Variants in BBS2 observed in about 807,000 individuals in gnomAD.
BBS2 encodes the protein Bardet-Biedl syndrome 2, also known as BBSome complex member BBS2.
A neutral mutation model predicts 83.0 loss-of-function variants in BBS2; 62 were observed. That is an observed-to-expected ratio of 0.75 (90% confidence interval 0.61 to 0.92). The LOEUF (loss-of-function observed/expected upper bound fraction) is 0.92, where lower values mean the gene tolerates loss of function less well. Among genes scored for constraint, BBS2 ranks in the 40% least tolerant of loss-of-function variants. The probability of loss-of-function intolerance (pLI) is 0.00; values close to 1 mark genes in which losing one functional copy is unlikely to be tolerated. For synonymous variants in BBS2, 303 were observed against 326.1 expected (o/e 0.93, Z 0.76); for missense variants, 784 against 901.0 (o/e 0.87, Z 1.66).
Position 56,472,299 on chromosome 16 carries a change from G to T in BBS2, c.*1-1604C>A, listed in dbSNP as rs541328887. Among the ~76,000 whole-genome samples the T allele has an allele frequency of 1.1e-4, 16 of 152,050 alleles. No homozygotes were observed. In the South Asian group the frequency reaches 3.3e-3, roughly 32 times the overall value. On this transcript the variant is annotated intron_variant, in intron 17 of 17. Coordinates refer to the BBS2 transcript ENST00000682047. Reference sequence around the variant, plus strand: ...CTTGTCCAGTTCTATTCCTTTTTTGGTTTCATTTTTACGGGAACCTGCAAC... The same window carrying T: ...CTTGTCCAGTTCTATTCCTTTTTTGTTTTCATTTTTACGGGAACCTGCAAC...
At position 56,484,578 on chromosome 16, in the gene BBS2, G is replaced by T. The variant is rs1381352878; in HGVS notation, c.*183C>A. On this transcript the variant is annotated 3_prime_UTR_variant, in exon 17 of 17. Coordinates refer to ENST00000245157, the MANE Select transcript of BBS2 (RefSeq NM_031885.5). Reference sequence around the variant, plus strand: ...ATTATTCAGCAACAGTACTACTACTGATTTAAAAATAGAAAGCAAGTCTAT... The same window carrying T: ...ATTATTCAGCAACAGTACTACTACTTATTTAAAAATAGAAAGCAAGTCTAT... 9 of 586,736 alleles carry T rather than the reference G, an allele frequency of 1.5e-5. No individual in the cohort carries two copies. Among genetic ancestry groups the T allele is most frequent in the Admixed American group, 1.0e-4 (4 of 39,542 alleles). 36.3% of individuals were successfully genotyped at this position (586,736 alleles called of 1,614,324 possible).
intron 17 of BBS2, chr16:56,478,550 T>C (rs1483760493): frequency 6.6e-6 from 1 of 152,224 alleles, no homozygotes; most frequent in African/African-American, 2.4e-5. Context: ...GTCAGTGGCA[T>C]AACTTCAGGA....
Position 56,500,995 on chromosome 16 carries a change from G to C in BBS2, c.1256C>G (p.Ala419Gly). ...GCTTTCACCTGTAAAAATTCCTTCT[G>C]CAAAAATCAATACTGCTCGGATGAT... ...DTIIRAVLIF[A>G]EGIFTGESHV... Residue 419 changes from alanine (A) to glycine (G), a missense_variant, in exon 11 of 17, where the codon GCA becomes GGA. Coordinates refer to ENST00000245157, the MANE Select transcript of BBS2 (RefSeq NM_031885.5). 9 of 1,614,098 alleles carry C rather than the reference G, an allele frequency of 5.6e-6. No homozygotes were observed. The highest frequency in any genetic ancestry group is 7.6e-6 in the Non-Finnish European group (9 of 1,180,002).
At chr16:56,496,371 C>A (rs1214730879) in intron 15 of BBS2, among the ~76,000 whole-genome samples, 6 of 152,126 alleles carry the variant, frequency 3.9e-5, no homozygotes, top group Admixed American at 1.3e-4. Context: ...TGTGTTTTTT[C>A]TGAACATAAT....
chr16:56,509,897 A>T (rs1964529513), intron 5 of BBS2, 60 bp downstream of exon 5: 2 of 1,569,990 alleles, frequency 1.3e-6, no homozygotes, highest in Non-Finnish European at 1.8e-6. Flanking sequence ...TTGATGTTTC[A>T]TCTGACAGTA....
exon 18 of BBS2, chr16:56,470,510 G>GT (rs766511528): frequency 5.0e-6 from 8 of 1,612,602 alleles, no homozygotes; most frequent in Non-Finnish European, 6.8e-6. Flanking sequence ...GCTGAGGAGA[G>GT]TAAGCTTCCT....
intron 15 of BBS2, among the ~76,000 whole-genome samples, chr16:56,489,554 T>C (rs1644920345): frequency 6.6e-6 from 1 of 151,946 alleles, no homozygotes; most frequent in Admixed American, 6.6e-5. Flanking sequence ...CCCAGCACTT[T>C]GGGAGGCCGA....
At chr16:56,495,190 T>C (rs1218351560) in intron 15 of BBS2, among the ~76,000 whole-genome samples, 14 of 152,136 alleles carry the variant, frequency 9.2e-5, no homozygotes, top group African/African-American at 3.4e-4. Context: ...GGGAACATTA[T>C]TTTTCATAGA....
At chr16:56,479,653 CTA>C (rs1465212011), downstream of BBS2, among the ~76,000 whole-genome samples, 2 of 152,212 alleles carry the variant, frequency 1.3e-5, no homozygotes. Flanking sequence ...ACTCTCTTCC[CTA>C]TGTCTCAGGT....
chr16:56,497,787 C>G lies in BBS2; in HGVS notation c.1753G>C (p.Asp585His), dbSNP rs1199632846. 4 of 1,613,312 alleles carry G rather than the reference C, an allele frequency of 2.5e-6. No individual in the cohort carries two copies. The African/African-American group carries it at 5.3e-5, about 22-fold the overall frequency. The change falls in exon 14 of 17, where the codon GAT (aspartate) becomes CAT (histidine). Residue 585 changes from aspartate (D) to histidine (H), a missense_variant. Transcript: ENST00000245157. Reference sequence around the variant, plus strand: ...AATTCCTCAAAATAGACAGGAAAATCCGCTTCTACTTGAAGGTCTTCAATA... The same window carrying G: ...AATTCCTCAAAATAGACAGGAAAATGCGCTTCTACTTGAAGGTCTTCAATA... ...FAIEDLQVEADFPVYFEELRK... is the reference protein window; with the variant it reads ...FAIEDLQVEAHFPVYFEELRK...
rs1964676797 is a variant in BBS2, at chr16:56,514,506, T to C, written c.292A>G (p.Thr98Ala). 6.2e-7 allele frequency: 1 copy of C among 1,614,168 alleles called. No homozygotes were observed. Among genetic ancestry groups the C allele is most frequent in the African/African-American group, 1.3e-5 (1 of 75,044 alleles). Residue 98 changes from threonine (T) to alanine (A), a missense_variant, in exon 2 of 17, where the codon ACT (threonine) becomes GCT (alanine). Physicochemically the swap from Thr to Ala is moderately conservative, Grantham distance 58. Transcript: ENST00000245157. Reference protein sequence around the residue: ...GYDALLVGTQTNLLAYDVYNN... With the variant: ...GYDALLVGTQANLLAYDVYNN... Reference sequence around the variant, plus strand: ...TAGACATCATAAGCCAAAAGATTAGTCTGTGTCCCCACTAAAAGGGCATCA... The same window carrying C: ...TAGACATCATAAGCCAAAAGATTAGCCTGTGTCCCCACTAAAAGGGCATCA...
intron 16 of BBS2, 87 bp downstream of exon 16, chr16:56,485,503 A>G (rs1285672407): frequency 6.5e-7 from 1 of 1,537,414 alleles, no homozygotes; most frequent in Non-Finnish European, 9.0e-7. Flanking sequence ...CAGCCCCAAT[A>G]TGAATTATTG....
At chr16:56,492,471 A>G (rs1303081646) in intron 15 of BBS2, among the ~76,000 whole-genome samples, 1 of 152,212 alleles carries the variant, frequency 6.6e-6, no homozygotes, top group African/African-American at 2.4e-5. Flanking sequence ...TCATAAAATC[A>G]AAGAGTAGAA....
intron 15 of BBS2, among the ~76,000 whole-genome samples, chr16:56,488,201 A>T (rs574547049): frequency 6.6e-6 from 1 of 152,292 alleles, no homozygotes; most frequent in African/African-American, 2.4e-5. Context: ...TTTTTCCCAC[A>T]CACCAAGAAA....
rs762391617 is a variant in BBS2, at chr16:56,484,799, G to A, written c.2128C>T (p.Leu710=). 1.5e-5 allele frequency: 25 copies of A among 1,613,930 alleles called. No homozygotes were observed. Among genetic ancestry groups the A allele is most frequent in the African/African-American group, 9.3e-5 (7 of 74,932 alleles). Residue 710 remains leucine (L), a synonymous_variant, in exon 17 of 17, where the codon CTG becomes TTG. Coordinates refer to ENST00000245157, the MANE Select transcript of BBS2 (RefSeq NM_031885.5). ...GTCCCCACTCGCATGATTTTGAACAGTGTGTTGATGTTATTGCTTCGAATT... is the reference window on the plus strand; with the variant it reads ...GTCCCCACTCGCATGATTTTGAACAATGTGTTGATGTTATTGCTTCGAATT... ...DAIRSNNINT[L]FKIMRVGTAS... is the part of the protein sequence containing the mutation.
chr16:56,511,654 G>C (rs1964580438), intron 2 of BBS2, among the ~76,000 whole-genome samples: 1 of 152,106 alleles, frequency 6.6e-6, no homozygotes, highest in Non-Finnish European at 1.5e-5. Flanking sequence ...GACTTGCCAG[G>C]CTCCACAACT....
downstream of BBS2, chr16:56,470,404 A>G (rs1963110774): frequency 8.0e-7 from 1 of 1,245,298 alleles, no homozygotes; most frequent in Non-Finnish European, 1.1e-6. Context: ...GAAGAGAGGT[A>G]CAAAGCTAAC....
chr16:56,484,099 C>A (rs533842354), downstream of BBS2, among the ~76,000 whole-genome samples: 2 of 147,508 alleles, frequency 1.4e-5, no homozygotes, highest in Admixed American at 6.8e-5. Context: ...CTCTGCCACC[C>A]GGGTTCAAGC....
At chr16:56,505,335 G>A (rs1050534700) in intron 7 of BBS2, among the ~76,000 whole-genome samples, 3 of 152,152 alleles carry the variant, frequency 2.0e-5, no homozygotes, top group Non-Finnish European at 2.9e-5. Flanking sequence ...AAGAAGAAAA[G>A]ATAAGAATTT....
Sources: gnomAD v4.1 joint callset for allele counts (sites outside exome capture counted in the v4.1 genomes callset) on GRCh38, gnomAD v4.1.1 for gene constraint, MANE v1.5 for transcripts, NCBI Gene and HGNC (gene_info 2026-07-23, HGNC 2026-07-21) for gene names.